The following RIMS1 variants were observed in gnomAD, a reference collection of about 807,000 sequenced individuals.
The protein encoded by RIMS1 is regulating synaptic membrane exocytosis protein 1.
In RIMS1, 83 loss-of-function variants were observed where a neutral mutation model predicts 214.1. That is an observed-to-expected ratio of 0.39 (90% CI 0.32 to 0.47). The LOEUF is 0.47. Ranked by LOEUF, RIMS1 falls within the 20% of genes least tolerant of loss-of-function variation. The probability of loss-of-function intolerance (pLI) is 0.99; values close to 1 mark genes in which losing one functional copy is unlikely to be tolerated. For synonymous variants in RIMS1, 793 were observed against 786.8 expected, an observed-to-expected ratio of 1.01 and a Z score of -0.13; for missense variants, 2,050 against 2,161.8, an observed-to-expected ratio of 0.95 and a Z score of 1.03.
chr6:72,362,380 A>C (rs978343683), intron 29 of RIMS1, among the ~76,000 whole-genome samples: 5 of 152,172 alleles, frequency 3.3e-5, no homozygotes. Context: ...TCGGGACATC[A>C]TGGTATGGAG....
chr6:72,057,942 C>G (rs895419974), intron 2 of RIMS1, among the ~76,000 whole-genome samples: 1 of 152,238 alleles, frequency 6.6e-6, no homozygotes, highest in Admixed American at 6.5e-5. Flanking sequence ...TGTTGGAGAA[C>G]ATATTTACAT....
chr6:72,259,138 G>T (rs570057313), intron 18 of RIMS1, 27 bp downstream of exon 18: 1 of 1,599,534 alleles, frequency 6.3e-7, no homozygotes, highest in Non-Finnish European at 8.6e-7. Flanking sequence ...TGATCTCAAC[G>T]TTATGAATTT....
At chr6:72,231,011 A>G (rs1410087599) in intron 6 of RIMS1, among the ~76,000 whole-genome samples, 1 of 151,574 alleles carries the variant, frequency 6.6e-6, no homozygotes, top group South Asian at 2.1e-4. Flanking sequence ...AATACCATGA[A>G]TTTATCATTT....
At chr6:71,929,321 T>C (rs1268589983) in intron 1 of RIMS1, among the ~76,000 whole-genome samples, 1 of 152,100 alleles carries the variant, frequency 6.6e-6, no homozygotes, top group Non-Finnish European at 1.5e-5. Context: ...AGGTAGAAGG[T>C]AATCAGAGCA....
rs1457077444 is a variant in RIMS1 at position 72,252,774 on chromosome 6, C to G, written c.2712C>G (p.Ile904Met). The G allele has an allele frequency of 6.4e-7, 1 of 1,559,120 alleles. No individual in the cohort carries two copies. The highest frequency in any genetic ancestry group is 8.7e-7 in the Non-Finnish European group (1 of 1,150,276). ...ACTGTTGTGCAGGATCTCAGCGAAT[C>G]AGTGATAGTGACATCTCAGATTATG... is the stretch of plus-strand genomic sequence containing the variant. ...SSKKLQRSQR[I>M]SDSDISDYEV... is the part of the protein sequence containing the mutation. Residue 904 changes from isoleucine to methionine, a missense_variant, in exon 16 of 34, where the codon ATC becomes ATG. Ile to Met is a conservative substitution (Grantham distance 10). Transcript: ENST00000521978.
chr6:72,172,402 C>T (rs1230914668), intron 4 of RIMS1, among the ~76,000 whole-genome samples: 1 of 152,052 alleles, frequency 6.6e-6, no homozygotes, highest in Non-Finnish European at 1.5e-5. Flanking sequence ...GACTATTCTC[C>T]AACTTTGTCT....
intron 2 of RIMS1, among the ~76,000 whole-genome samples, chr6:71,997,928 T>C (rs1376646213): frequency 1.3e-5 from 2 of 152,112 alleles, no homozygotes; most frequent in South Asian, 2.1e-4. Flanking sequence ...AAACTTTTAA[T>C]GGTGGAATAA....
At chr6:72,328,203 A>G (rs370700036) in intron 28 of RIMS1, among the ~76,000 whole-genome samples, 14 of 151,960 alleles carry the variant, frequency 9.2e-5, no homozygotes, top group East Asian at 5.8e-4. Flanking sequence ...CTAACACAGG[A>G]ACAGAAAATC....
At chr6:72,115,779 T>C (rs577934760) in intron 4 of RIMS1, among the ~76,000 whole-genome samples, 10 of 151,930 alleles carry the variant, frequency 6.6e-5, no homozygotes, top group Non-Finnish European at 1.2e-4. Flanking sequence ...TTAATATCCT[T>C]TATTTCTTTT....
rs574149728 is a variant in RIMS1 at position 72,025,913 on chromosome 6, G to T, written c.245+56850G>T. Reference sequence around the variant, plus strand: ...TGACTGGCAACTTGGTGCTAGAAAAGGTCATCCTTCTACAGATGGATCTCT... The same window carrying T: ...TGACTGGCAACTTGGTGCTAGAAAATGTCATCCTTCTACAGATGGATCTCT... On this transcript the variant is annotated intron_variant, in intron 2 of 33. Transcript: ENST00000521978. 2.6e-5 allele frequency among the ~76,000 whole-genome samples: 4 copies of T among 152,282 alleles called. No individual in the cohort carries two copies. The South Asian group carries it at 8.3e-4, about 32-fold the overall frequency.
At chr6:71,953,128 C>T (rs1262196124) in intron 1 of RIMS1, among the ~76,000 whole-genome samples, 1 of 151,896 alleles carries the variant, frequency 6.6e-6, no homozygotes, top group Non-Finnish European at 1.5e-5. Context: ...CTGGAATTAA[C>T]AGGTGCACAC....
intron 1 of RIMS1, among the ~76,000 whole-genome samples, chr6:71,957,126 T>C (rs75593955): frequency 0.012 from 1,838 of 152,256 alleles, 10 homozygotes; most frequent in Non-Finnish European, 0.018. Context: ...GGGAGTCAAC[T>C]TTTAAGAAAG....
intron 23 of RIMS1, among the ~76,000 whole-genome samples, chr6:72,279,640 A>AC (rs2088975090): frequency 6.6e-6 from 1 of 152,076 alleles, no homozygotes; most frequent in Non-Finnish European, 1.5e-5. Flanking sequence ...AAACACTGAA[A>AC]CAGTGTTGTC....
intron 2 of RIMS1, among the ~76,000 whole-genome samples, chr6:71,999,389 T>G (rs1804438310): frequency 6.6e-6 from 1 of 152,168 alleles, no homozygotes; most frequent in African/African-American, 2.4e-5. Context: ...ATAACATACA[T>G]AGTCCTGGCT....
chr6:72,149,513 T>TA (rs946542265), intron 4 of RIMS1, among the ~76,000 whole-genome samples: 3 of 151,726 alleles, frequency 2.0e-5, no homozygotes, highest in African/African-American at 7.3e-5. Context: ...GAAGATTCCT[T>TA]ACACCTGAGA....
At chr6:72,101,545 T>C (rs2153809774) in intron 4 of RIMS1, among the ~76,000 whole-genome samples, 1 of 152,050 alleles carries the variant, frequency 6.6e-6, no homozygotes, top group African/African-American at 2.4e-5. Flanking sequence ...TCTAATCTCT[T>C]TTATTTTTAG....
Position 72,237,923 on chromosome 6 carries a change from G to A in RIMS1, c.1957+1G>A. ...GATGTAGTTGGACACCTAAGAGCAG[G>A]TAAAGTTTCTTTTTTTAATATTTAA... On this transcript the variant is annotated splice_donor_variant, in intron 9 of 33. Transcript: ENST00000521978. LOFTEE classifies it high-confidence loss of function. 6.3e-7 allele frequency: 1 copy of A among 1,596,710 alleles called. No homozygotes were observed. Among genetic ancestry groups the A allele is most frequent in the Non-Finnish European group, 8.5e-7 (1 of 1,172,014 alleles).
chr6:72,338,143 C>A (rs1174942247), intron 29 of RIMS1, among the ~76,000 whole-genome samples: 8 of 151,594 alleles, frequency 5.3e-5, no homozygotes, highest in African/African-American at 1.9e-4. Context: ...ATTTCTAGTT[C>A]TAGATCCCTG....
intron 4 of RIMS1, among the ~76,000 whole-genome samples, chr6:72,104,655 G>A (rs2034357365): frequency 6.6e-6 from 1 of 152,122 alleles, no homozygotes; most frequent in South Asian, 2.1e-4. Context: ...GCTGAGCATG[G>A]AGCAGAGAAG....
Sources: allele counts gnomAD v4.1 joint callset (sites outside exome capture counted in the v4.1 genomes callset), GRCh38; gene constraint gnomAD v4.1.1; transcripts MANE v1.5; gene names NCBI Gene and HGNC (gene_info 2026-07-23, HGNC 2026-07-21).